CADPS: variants seen among roughly 807,000 people sequenced by gnomAD.
CADPS encodes calcium-dependent secretion activator 1.
In CADPS, 57 loss-of-function variants were observed where a neutral mutation model predicts 167.3. The observed-to-expected ratio is 0.34, with a 90% CI of 0.28 to 0.42. The LOEUF (loss-of-function observed/expected upper bound fraction) is 0.42. Ranked by LOEUF, CADPS falls within the 20% of genes least tolerant of loss-of-function variation. The pLI, the probability that CADPS is intolerant of heterozygous loss-of-function variation, is 1.00. For missense variants in CADPS, 1,414 were observed against 1,738.1 expected (o/e 0.81, Z 3.32); for synonymous variants, 676 against 635.3 (o/e 1.06, Z -0.96).
At chr3:62,485,478 A>T (rs923569157) in intron 21 of CADPS, among the ~76,000 whole-genome samples, 2 of 152,184 alleles carry the variant, frequency 1.3e-5, no homozygotes, top group African/African-American at 4.8e-5. Context: ...TTATGTCCTC[A>T]TAACTTTTCC....
chr3:62,534,460 G>A (rs2074307570), intron 12 of CADPS, among the ~76,000 whole-genome samples: 1 of 152,194 alleles, frequency 6.6e-6, no homozygotes. Context: ...TGCAGAGGGC[G>A]GAGAGTAGTC....
At chr3:62,747,536 A>G (rs2081745809) in intron 3 of CADPS, among the ~76,000 whole-genome samples, 1 of 152,228 alleles carries the variant, frequency 6.6e-6, no homozygotes, top group Admixed American at 6.5e-5. Flanking sequence ...TTCAAGGAAG[A>G]TAGTGCTGTA....
intron 1 of CADPS, among the ~76,000 whole-genome samples, chr3:62,863,623 G>T (rs1296113129): frequency 6.6e-6 from 1 of 152,124 alleles, no homozygotes; most frequent in Non-Finnish European, 1.5e-5. Context: ...CAGGAAAACT[G>T]AAGTAGTTAA....
At chr3:62,854,277 C>A (rs1343682630) in intron 1 of CADPS, among the ~76,000 whole-genome samples, 2 of 152,160 alleles carry the variant, frequency 1.3e-5, no homozygotes, top group East Asian at 3.9e-4. Context: ...AAAAAAGTAA[C>A]TTTCTCTCTA....
intron 1 of CADPS, among the ~76,000 whole-genome samples, chr3:62,835,629 G>A (rs770212696): frequency 3.3e-5 from 5 of 152,140 alleles, no homozygotes; most frequent in Non-Finnish European, 7.3e-5. Context: ...AGAGAGAGCA[G>A]CTACATGAAC....
At chr3:62,487,299 G>A (rs1278131203) in intron 21 of CADPS, among the ~76,000 whole-genome samples, 1 of 152,190 alleles carries the variant, frequency 6.6e-6, no homozygotes, top group Admixed American at 6.5e-5. Flanking sequence ...CATATTGAAG[G>A]CCACCATGGC....
rs560421451 is a variant in CADPS at position 62,473,064 on chromosome 3, C to T, written c.3477+1109G>A. On this transcript the variant is annotated intron_variant, in intron 24 of 29. Transcript: ENST00000383710. ...TCAGATGCTCTCTGGGTGAGTTTAA[C>T]GTACACTGAAACATGAGAACCACTG... 3.9e-5 allele frequency among the ~76,000 whole-genome samples: 6 copies of T among 152,286 alleles called. No individual in the cohort carries two copies. In the South Asian group the frequency reaches 1.0e-3, roughly 26 times the overall value.
At chr3:62,754,276 G>T (rs145190371) in intron 2 of CADPS, among the ~76,000 whole-genome samples, 266 of 152,162 alleles carry the variant, frequency 1.7e-3, no homozygotes, top group Non-Finnish European at 3.1e-3. Flanking sequence ...AGGCTCAAGC[G>T]ACCTCCAGCT....
Position 62,801,219 on chromosome 3 carries a change from G to A in CADPS, c.442-35235C>T, listed in dbSNP as rs547000559. Among the ~76,000 whole-genome samples the A allele has an allele frequency of 2.6e-5, 4 of 152,096 alleles. No individual in the cohort carries two copies. In the East Asian group the frequency reaches 5.8e-4, roughly 22 times the overall value. On this transcript the variant is annotated intron_variant, in intron 1 of 29. Transcript: ENST00000383710. ...TAATATAAGAAAAGAAAGAACAGAT[G>A]ATCTACTCCATAAATGCCATTGATG...
At chr3:62,410,689 C>G (rs902773646) in intron 28 of CADPS, among the ~76,000 whole-genome samples, 3 of 152,172 alleles carry the variant, frequency 2.0e-5, no homozygotes, top group Non-Finnish European at 2.9e-5. Flanking sequence ...GTGCTTATAA[C>G]AGTGCCAGGC....
rs1022035995 is a variant in CADPS at position 62,874,862 on chromosome 3, T to G, written c.168A>C (p.Gly56=). The change falls in exon 1 of 30, where the codon GGA becomes GGC. Residue 56 remains glycine (G), a synonymous_variant. Coordinates refer to ENST00000383710, the MANE Select transcript of CADPS (RefSeq NM_003716.4). This position sits in a 1 kb window ranked among gnomAD's most constrained non-coding sequence, Gnocchi z 7.1. ...AGLGGGGAGA[G]AGVGAGGGGG... is the part of the protein sequence containing the mutation. ...CGCCGCCGCCTGCACCCACCCCGGC[T>G]CCGGCGCCGGCGCCGCCGCCCCCCA... The G allele has an allele frequency of 4.5e-6, 5 of 1,099,144 alleles. No homozygotes were observed. The highest frequency in any genetic ancestry group is 1.1e-4 in the East Asian group (2 of 18,936). The allele number at this position is 1,099,144 out of a possible 1,614,324, so 68.1% of individuals were successfully genotyped here. A position where few individuals can be genotyped will look rare whatever the true frequency, so the allele number is the denominator to read the frequency against.
Position 62,399,668 on chromosome 3 carries a change from A to T in CADPS, c.3883-83T>A. 1 of 1,138,554 alleles carries T rather than the reference A, an allele frequency of 8.8e-7. No individual in the cohort carries two copies. Among genetic ancestry groups the T allele is most frequent in the Non-Finnish European group, 1.3e-6 (1 of 771,800 alleles). 70.5% of individuals were successfully genotyped at this position (1,138,554 alleles called of 1,614,324 possible). ...GAAGGTAAAAGCAGGTGTGGGTGGGAGAGCACTGACCTTCAGCTAAATATC... is the reference window on the plus strand; with the variant it reads ...GAAGGTAAAAGCAGGTGTGGGTGGGTGAGCACTGACCTTCAGCTAAATATC... On this transcript the variant is annotated intron_variant, in intron 29 of 29. Transcript: ENST00000383710. This position sits in a 1 kb window ranked among gnomAD's most constrained non-coding sequence, Gnocchi z 5.6.
At chr3:62,611,582 C>T (rs1451173256) in intron 6 of CADPS, among the ~76,000 whole-genome samples, 4 of 152,252 alleles carry the variant, frequency 2.6e-5, no homozygotes, top group African/African-American at 9.6e-5. Flanking sequence ...CCATGGCCTA[C>T]AAGGCCTTTG....
At chr3:62,464,172 C>A (rs1303708195) in intron 26 of CADPS, among the ~76,000 whole-genome samples, 2 of 152,174 alleles carry the variant, frequency 1.3e-5, no homozygotes, top group Non-Finnish European at 2.9e-5. Context: ...ATATTATCTG[C>A]CCTGCACTCC....
intron 1 of CADPS, among the ~76,000 whole-genome samples, chr3:62,775,013 C>G (rs781720957): frequency 1.3e-5 from 2 of 151,826 alleles, no homozygotes; most frequent in Non-Finnish European, 2.9e-5. Flanking sequence ...ATCTTTTACC[C>G]ATAAGTGTTT....
chr3:62,457,447 T>C (rs1201221608), intron 26 of CADPS, among the ~76,000 whole-genome samples: 2 of 152,202 alleles, frequency 1.3e-5, no homozygotes, highest in Non-Finnish European at 2.9e-5. Context: ...AAAGAGGTGT[T>C]TTAGAGACTA....
In CADPS at chr3:62,601,021, G is replaced by C. The variant is rs1014383574; in HGVS notation, c.1326-8273C>G. Among the ~76,000 whole-genome samples, 1 of 152,134 alleles carries C rather than the reference G, an allele frequency of 6.6e-6. No homozygotes were observed. The highest frequency in any genetic ancestry group is 6.5e-5 in the Admixed American group (1 of 15,268). Reference sequence around the variant, plus strand: ...AGGATATGTAGGACATAAGCTATTGGATATGTGGTGTTTACCTCAATACGT... The same window carrying C: ...AGGATATGTAGGACATAAGCTATTGCATATGTGGTGTTTACCTCAATACGT... On this transcript the variant is annotated intron_variant, in intron 6 of 29. Coordinates refer to ENST00000383710, the MANE Select transcript of CADPS (RefSeq NM_003716.4). The surrounding 1 kb of genome is among the most constrained non-coding windows in gnomAD (Gnocchi z 4.3).
intron 13 of CADPS, among the ~76,000 whole-genome samples, chr3:62,531,142 C>T (rs758365355): frequency 2.0e-4 from 30 of 152,218 alleles, no homozygotes; most frequent in Admixed American, 3.3e-4. Flanking sequence ...TTTACAAAAA[C>T]ACTTCATTAT....
chr3:62,420,903 G>C lies in CADPS; in HGVS notation c.3777+17201C>G, dbSNP rs144014875. Among the ~76,000 whole-genome samples, 1,681 of 56,318 alleles carry C rather than the reference G, an allele frequency of 0.03. 13 individuals are homozygous for C. The highest frequency in any genetic ancestry group is 0.088 in the African/African-American group (949 of 10,746). 36.9% of individuals were successfully genotyped at this position (56,318 alleles called of 152,430 possible). On this transcript the variant is annotated intron_variant, in intron 28 of 29. Transcript: ENST00000383710. This position sits in a 1 kb window ranked among gnomAD's most constrained non-coding sequence, Gnocchi z 4.1. ...ACACACACACACACACACACACACA[G>C]GCACACACACACACACTTGCCAGAT...
Sources: allele counts gnomAD v4.1 joint callset (sites outside exome capture counted in the v4.1 genomes callset), GRCh38; gene constraint gnomAD v4.1.1; non-coding constraint Gnocchi (gnomAD v3.1); transcripts MANE v1.5; gene names NCBI Gene and HGNC (gene_info 2026-07-23, HGNC 2026-07-21).